The following SLC35H1 variants were observed in gnomAD, a reference collection of about 807,000 sequenced individuals.
SLC35H1 encodes ovarian cancer-overexpressed gene 1 protein.
the SLC35H1 span, among the ~76,000 whole-genome samples, chr20:46,360,796 C>T: frequency 3.9e-5 from 6 of 152,200 alleles, no homozygotes; most frequent in Admixed American, 1.3e-4. Flanking sequence ...GTGATCCGCC[C>T]GCCTTGCCTC....
the SLC35H1 span, chr20:46,352,021 A>G: frequency 1.2e-6 from 2 of 1,610,690 alleles, no homozygotes; most frequent in African/African-American, 2.7e-5. Context: ...CCTCTCTAAG[A>G]CAGGACTGGC....
the SLC35H1 span, chr20:46,357,782 A>G: frequency 6.2e-7 from 1 of 1,613,724 alleles, no homozygotes; most frequent in Non-Finnish European, 8.5e-7. Context: ...CTCTGTATGG[A>G]GCCCAAAGCA....
the SLC35H1 span, chr20:46,357,571 T>C: frequency 6.3e-7 from 1 of 1,587,526 alleles, no homozygotes; most frequent in South Asian, 1.1e-5. Context: ...TCTCATCCTA[T>C]GGTTCCCCAG....
At chr20:46,354,826 C>G in the SLC35H1 span, 1 of 1,455,038 alleles carries the variant, frequency 6.9e-7, no homozygotes, top group African/African-American at 1.4e-5. Context: ...GGGCTCAGGG[C>G]GAGGATCTGT....
chr20:46,364,222 G>A, the SLC35H1 span: 1 of 152,276 alleles, frequency 6.6e-6, no homozygotes, highest in Non-Finnish European at 1.5e-5. Flanking sequence ...CTCCACAGAC[G>A]GCGAAACTGA....
At chr20:46,360,207 T>C in the SLC35H1 span, among the ~76,000 whole-genome samples, 2 of 152,198 alleles carry the variant, frequency 1.3e-5, no homozygotes, top group Non-Finnish European at 2.9e-5. Flanking sequence ...GTTTCCATGG[T>C]TCTGCTGTGA....
At chr20:46,357,729 C>T in the SLC35H1 span, 1 of 1,614,022 alleles carries the variant, frequency 6.2e-7, no homozygotes, top group South Asian at 1.1e-5. Flanking sequence ...AGAGGAAGAT[C>T]ACGGCCAGGT....
chr20:46,355,313 T>C, the SLC35H1 span: 16 of 1,504,582 alleles, frequency 1.1e-5, no homozygotes, highest in Non-Finnish European at 1.4e-5. This position sits in a 1 kb window ranked among gnomAD's most constrained non-coding sequence, Gnocchi z 4.8. Context: ...ATTTGGAGCC[T>C]GGGGTCAGCA....
chr20:46,361,028 G>T, the SLC35H1 span, among the ~76,000 whole-genome samples: 1 of 152,188 alleles, frequency 6.6e-6, no homozygotes, highest in African/African-American at 2.4e-5. Context: ...CCTTCTGTAA[G>T]CTGATGTCTT....
At chr20:46,360,940 T>C in the SLC35H1 span, among the ~76,000 whole-genome samples, 1 of 152,224 alleles carries the variant, frequency 6.6e-6, no homozygotes, top group Non-Finnish European at 1.5e-5. Context: ...TTACAAAATA[T>C]TTGTAATAAA....
the SLC35H1 span, among the ~76,000 whole-genome samples, chr20:46,357,971 C>T: frequency 1.3e-5 from 2 of 152,178 alleles, no homozygotes. Flanking sequence ...CAGGTGGCAG[C>T]CAAGAGACTC....
the SLC35H1 span, chr20:46,356,528 A>C: frequency 3.7e-6 from 6 of 1,602,920 alleles, no homozygotes; most frequent in Admixed American, 6.7e-5. Context: ...GGACAGACAG[A>C]CAGCTTCAGC....
chr20:46,352,370 G>A, the SLC35H1 span: 1 of 742,824 alleles, frequency 1.3e-6, no homozygotes, highest in East Asian at 2.6e-5. Context: ...AAAAAGCATG[G>A]AAGGTATAAA....
chr20:46,352,259 G>C, the SLC35H1 span: 11 of 1,607,248 alleles, frequency 6.8e-6, no homozygotes, highest in Non-Finnish European at 9.4e-6. Context: ...GTGGGAGGCC[G>C]GGTCCTGGGC....
chr20:46,346,276 T>G, the SLC35H1 span: 2 of 152,152 alleles, frequency 1.3e-5, no homozygotes, highest in Admixed American at 1.3e-4. Context: ...GTTAAGCTAA[T>G]TGGTTACTAC....
the SLC35H1 span, among the ~76,000 whole-genome samples, chr20:46,359,463 T>C: frequency 6.6e-6 from 1 of 152,214 alleles, no homozygotes; most frequent in Non-Finnish European, 1.5e-5. Context: ...TCTGGTTTGA[T>C]GACTGACAGA....
the SLC35H1 span, among the ~76,000 whole-genome samples, chr20:46,358,153 G>T: frequency 1.3e-5 from 2 of 152,140 alleles, no homozygotes; most frequent in South Asian, 4.1e-4. Flanking sequence ...TTGAGCCCCA[G>T]TTTCCCCAGC....
the SLC35H1 span, among the ~76,000 whole-genome samples, chr20:46,363,499 C>G: frequency 1.1e-3 from 169 of 152,362 alleles, 2 homozygotes; most frequent in African/African-American, 4.0e-3. Context: ...GCATAATACA[C>G]TTGGTTACTT....
the SLC35H1 span, chr20:46,355,154 A>C: frequency 1.9e-6 from 3 of 1,614,090 alleles, no homozygotes; most frequent in Middle Eastern, 1.6e-4. The surrounding 1 kb of genome is among the most constrained non-coding windows in gnomAD (Gnocchi z 4.8). Flanking sequence ...ACCAAGGCGA[A>C]GCCCTCCACG....
Sources: allele counts gnomAD v4.1 joint callset (sites outside exome capture counted in the v4.1 genomes callset), GRCh38; gene constraint gnomAD v4.1.1; non-coding constraint Gnocchi (gnomAD v3.1); transcripts MANE v1.5; gene names NCBI Gene and HGNC (gene_info 2026-07-23, HGNC 2026-07-21).